The following GSS variants were observed in gnomAD, a reference collection of about 807,000 sequenced individuals.
GSS encodes glutathione synthetase.
A neutral mutation model predicts 60.4 loss-of-function variants in GSS; 34 were observed. The ratio of observed to expected loss-of-function variants is 0.56; its 90% confidence interval spans 0.43 to 0.75. The LOEUF is 0.75. Among genes scored for constraint, GSS ranks in the 30% least tolerant of loss-of-function variants. GSS has a pLI of 0.00. For synonymous variants in GSS, 224 were observed against 239.0 expected (o/e 0.94, Z 0.58); for missense variants, 499 against 595.1 (o/e 0.84, Z 1.68).
chr20:34,946,661 C>T (rs1207095336), intron 2 of GSS: 1 of 152,326 alleles, frequency 6.6e-6, no homozygotes, highest in African/African-American at 2.4e-5. Context: ...GATGTTCAAG[C>T]CCAGGCCCTT....
chr20:34,950,701 G>A (rs776519643), intron 2 of GSS, among the ~76,000 whole-genome samples: 6 of 152,048 alleles, frequency 3.9e-5, no homozygotes, highest in South Asian at 2.1e-4. Flanking sequence ...CCCAGGAGGC[G>A]GAGGTTGCAG....
chr20:34,953,020 T>C (rs139391949), intron 1 of GSS, among the ~76,000 whole-genome samples: 4 of 152,340 alleles, frequency 2.6e-5, no homozygotes, highest in Non-Finnish European at 5.9e-5. Context: ...ATTAGCAAGA[T>C]GGAAATTGCT....
chr20:34,942,783 A>G (rs2081494357), intron 4 of GSS, 148 bp downstream of exon 4: 1 of 959,058 alleles, frequency 1.0e-6, no homozygotes, highest in Admixed American at 2.0e-5. Context: ...TCATCCTAGA[A>G]TTGGTCACTG....
chr20:34,939,250 G>GA (rs1296860934), intron 6 of GSS, among the ~76,000 whole-genome samples: 2 of 151,838 alleles, frequency 1.3e-5, no homozygotes, highest in Admixed American at 1.3e-4. Flanking sequence ...CAAAAAAAAA[G>GA]AAAAAAATTG....
rs1237820147 is a variant in GSS, at chr20:34,941,767, C to A, written c.554G>T (p.Ser185Ile). 2.5e-6 allele frequency: 4 copies of A among 1,612,086 alleles called. No homozygotes were observed. Among genetic ancestry groups the A allele is most frequent in the Non-Finnish European group, 3.4e-6 (4 of 1,179,440 alleles). Residue 185 changes from serine to isoleucine, a missense_variant, in exon 6 of 13, where the codon AGC (serine) becomes ATC (isoleucine). Coordinates refer to ENST00000651619, the MANE Select transcript of GSS (RefSeq NM_000178.4). The stretch of plus-strand genomic sequence containing the variant: ...GGCAATTCCCAGGGCCAGTCCCTTG[C>A]TGGGATTATTAGAGAGGATCTTGCC... ...EAGKILSNNP[S>I]KGLALGIAKA...
intron 3 of GSS, among the ~76,000 whole-genome samples, chr20:34,943,410 A>C (rs1266396564): frequency 6.6e-6 from 1 of 152,186 alleles, no homozygotes; most frequent in Non-Finnish European, 1.5e-5. Flanking sequence ...GATGGTTGGC[A>C]AGCCTTCTGG....
chr20:34,953,146 T>C (rs1354094238), intron 1 of GSS, among the ~76,000 whole-genome samples: 1 of 152,012 alleles, frequency 6.6e-6, no homozygotes, highest in Non-Finnish European at 1.5e-5. Flanking sequence ...GCCTCAGGAG[T>C]TTAAGATCTG....
chr20:34,930,264 CA>C lies in GSS; in HGVS notation c.1112-675del, dbSNP rs34585562. Among the ~76,000 whole-genome samples the C allele has an allele frequency of 3.7e-3, 487 of 130,528 alleles. 4 individuals are homozygous for C. Among genetic ancestry groups the C allele is most frequent in the African/African-American group, 8.4e-3 (294 of 35,052 alleles). The allele number at this position is 130,528 out of a possible 152,430, so 85.6% of individuals were successfully genotyped here. ...CTGGTGACAGAGCGAGAATCCGTCT[CA>C]AAAAAAAAAAAAAAATTGTTAACTT... On this transcript the variant is annotated intron_variant, in intron 11 of 12. Coordinates refer to ENST00000651619, the MANE Select transcript of GSS (RefSeq NM_000178.4).
At position 34,935,352 on chromosome 20, in the gene GSS, G is replaced by T. The variant is rs2236270; in HGVS notation, c.834+224C>A. Among the ~76,000 whole-genome samples the T allele has an allele frequency of 0.33, 49,804 of 152,052 alleles. 8,685 individuals are homozygous for T. Among genetic ancestry groups the T allele is most frequent in the Middle Eastern group, 0.41 (120 of 294 alleles). ...CACATCTCTGGAAACAGTGTAAATG[G>T]CTGAAGCTCTGTGGATTCCTGAGGA... On this transcript the variant is annotated intron_variant, in intron 9 of 12. Transcript: ENST00000651619.
chr20:34,935,950 C>T (rs2081437837), intron 8 of GSS, among the ~76,000 whole-genome samples: 1 of 152,156 alleles, frequency 6.6e-6, no homozygotes, highest in African/African-American at 2.4e-5. Context: ...CAAATGTTGG[C>T]TCGAAATTAC....
Position 34,935,602 on chromosome 20 carries a change from A to G in GSS, c.808T>C (p.Tyr270His). Reference sequence around the variant, plus strand: ...TGTAGACTGTACTGACGAGGCATGTAGCCATCCCGGAAGTAAACCACAGCA... The same window carrying G: ...TGTAGACTGTACTGACGAGGCATGTGGCCATCCCGGAAGTAAACCACAGCA... ...EIAVVYFRDG[Y>H]MPRQYSLQNW... is the part of the protein sequence containing the mutation. Residue 270 changes from tyrosine to histidine, a missense_variant, in exon 9 of 13, where the codon TAC (tyrosine) becomes CAC (histidine). Tyr to His is a moderately conservative substitution (Grantham distance 83). Coordinates refer to ENST00000651619, the MANE Select transcript of GSS (RefSeq NM_000178.4). The G allele has an allele frequency of 6.2e-7, 1 of 1,613,188 alleles. No homozygotes were observed. Among genetic ancestry groups the G allele is most frequent in the Non-Finnish European group, 8.5e-7 (1 of 1,179,124 alleles).
At chr20:34,953,616 CTTTCTTT>C (rs2081586059) in intron 1 of GSS, among the ~76,000 whole-genome samples, 2 of 137,650 alleles carry the variant, frequency 1.5e-5, no homozygotes, top group Non-Finnish European at 3.1e-5. Context: ...CTCCCTCTTT[CTTTCTTT>C]TTTTTTTTTT....
In GSS at chr20:34,942,563, G is replaced by A; in HGVS notation, c.416C>T (p.Ala139Val). ...GGTGTTGATTTCGATCTGTTTCAGG[G>A]CTGGGGAGCCATCTGCGCTGCGCTG... ...MFQRSADGSP[A>V]LKQIEINTIS... Residue 139 changes from alanine to valine, a missense_variant, in exon 5 of 13, where the codon GCC (alanine) becomes GTC (valine). By Grantham distance (64) the Ala-to-Val change is moderately conservative (BLOSUM62 0). Coordinates refer to ENST00000651619, the MANE Select transcript of GSS (RefSeq NM_000178.4). 1 of 1,613,950 alleles carries A rather than the reference G, an allele frequency of 6.2e-7. No homozygotes were observed. Among genetic ancestry groups the A allele is most frequent in the Non-Finnish European group, 8.5e-7 (1 of 1,179,820 alleles).
intron 11 of GSS, among the ~76,000 whole-genome samples, 168 bp downstream of exon 11, chr20:34,931,168 C>T (rs553508873): frequency 6.2e-4 from 94 of 152,366 alleles, no homozygotes; most frequent in African/African-American, 2.1e-3. Flanking sequence ...CCTGTGCTCC[C>T]GGACTTGGTC....
chr20:34,935,231 AAAGGT>A (rs1381847640), intron 9 of GSS, among the ~76,000 whole-genome samples: 1 of 152,232 alleles, frequency 6.6e-6, no homozygotes, highest in Non-Finnish European at 1.5e-5. Context: ...CAGATAAAGG[AAAGGT>A]AAGAGTTGGC....
intron 1 of GSS, among the ~76,000 whole-genome samples, chr20:34,953,470 C>G (rs1439609763): frequency 6.6e-6 from 1 of 152,190 alleles, no homozygotes; most frequent in Non-Finnish European, 1.5e-5. Context: ...GACAGACAGA[C>G]AGACCTGGGT....
Position 34,936,876 on chromosome 20 carries a change from G to A in GSS, c.690-36C>T, listed in dbSNP as rs1352785568. The stretch of plus-strand genomic sequence containing the variant: ...TGGGCAAGAGCCAGAGGGAATGGAT[G>A]CTATGTTCTGAGTGCCCCACCCCTA... On this transcript the variant is annotated intron_variant, in intron 7 of 12. Transcript: ENST00000651619. 2.5e-6 allele frequency: 4 copies of A among 1,605,638 alleles called. No individual in the cohort carries two copies. In the African/African-American group the frequency reaches 5.4e-5, roughly 21 times the overall value.
intron 12 of GSS, 115 bp from the exon 13 acceptor site, chr20:34,929,066 G>C (rs2081376879): frequency 7.8e-7 from 1 of 1,274,164 alleles, no homozygotes; most frequent in Non-Finnish European, 1.1e-6. Flanking sequence ...GAAAGTGCTA[G>C]GATTTTAGAG....
intron 2 of GSS, 99 bp from the exon 3 acceptor site, chr20:34,946,197 T>C: frequency 5.1e-6 from 5 of 974,462 alleles, no homozygotes; most frequent in Non-Finnish European, 7.9e-6. Context: ...CTATATTTAC[T>C]GAGGACACAC....
Sources: allele counts gnomAD v4.1 joint callset (sites outside exome capture counted in the v4.1 genomes callset), GRCh38; gene constraint gnomAD v4.1.1; transcripts MANE v1.5; gene names NCBI Gene and HGNC (gene_info 2026-07-23, HGNC 2026-07-21).